Variants in SGCD observed in about 807,000 individuals in gnomAD.
SGCD encodes the protein delta-sarcoglycan.
In SGCD, 18 loss-of-function variants were observed where a neutral mutation model predicts 36.6. The ratio of observed to expected loss-of-function variants is 0.49; its 90% confidence interval spans 0.34 to 0.73. The LOEUF (loss-of-function observed/expected upper bound fraction) is 0.73, where lower values mean the gene tolerates loss of function less well. Ranked by LOEUF, SGCD falls within the 30% of genes least tolerant of loss-of-function variation. SGCD has a pLI of 0.01. For synonymous variants in SGCD, 133 were observed against 130.6 expected (o/e 1.02, Z -0.12); for missense variants, 387 against 346.7 (o/e 1.12, Z -0.92).
intron 6 of SGCD, among the ~76,000 whole-genome samples, chr5:156,618,937 G>GT (rs1437864787): frequency 1.3e-5 from 2 of 152,074 alleles, no homozygotes; most frequent in Non-Finnish European, 2.9e-5. Flanking sequence ...TGGGAAATAA[G>GT]TAAGTTGGGG....
chr5:156,248,741 G>C (rs1765502329), intron 3 of SGCD, among the ~76,000 whole-genome samples: 2 of 152,176 alleles, frequency 1.3e-5, no homozygotes, highest in Non-Finnish European at 2.9e-5. Context: ...ACACTGTTGG[G>C]AAAATAGTCA....
the SGCD span, among the ~76,000 whole-genome samples, chr5:155,754,723 G>A: frequency 1.3e-5 from 2 of 152,238 alleles, no homozygotes; most frequent in Non-Finnish European, 2.9e-5. Context: ...ACAGACAAAA[G>A]GGAGGAAATG....
the SGCD span, among the ~76,000 whole-genome samples, chr5:155,769,268 A>G: frequency 1.3e-5 from 2 of 152,024 alleles, no homozygotes; most frequent in South Asian, 2.1e-4. Flanking sequence ...TGAGGAGGCT[A>G]TTGTGGAGAA....
At chr5:156,382,603 T>TA (rs1272166675) in intron 3 of SGCD, among the ~76,000 whole-genome samples, 1 of 152,112 alleles carries the variant, frequency 6.6e-6, no homozygotes, top group Non-Finnish European at 1.5e-5. Flanking sequence ...TAAAAAGTAA[T>TA]AAAAATCAGG....
At chr5:156,287,969 C>T (rs993003805) in intron 3 of SGCD, among the ~76,000 whole-genome samples, 1 of 152,084 alleles carries the variant, frequency 6.6e-6, no homozygotes, top group Non-Finnish European at 1.5e-5. Flanking sequence ...AAAATGTAGC[C>T]ATGACAGTGA....
chr5:156,623,236 C>T (rs550378087), intron 6 of SGCD, among the ~76,000 whole-genome samples: 15 of 152,144 alleles, frequency 9.9e-5, no homozygotes, highest in African/African-American at 2.9e-4. Context: ...CACGTTCAGG[C>T]GTTCGGACTT....
At chr5:156,445,649 CACTT>C (rs1235836078) in intron 3 of SGCD, among the ~76,000 whole-genome samples, 2 of 152,122 alleles carry the variant, frequency 1.3e-5, no homozygotes, top group African/African-American at 4.8e-5. Flanking sequence ...TTAGGAAAGT[CACTT>C]AACCTCTCTG....
At chr5:156,000,727 G>A (rs1312813956) in intron 1 of SGCD, among the ~76,000 whole-genome samples, 2 of 151,792 alleles carry the variant, frequency 1.3e-5, no homozygotes, top group Non-Finnish European at 2.9e-5. Flanking sequence ...CCAGACCAGT[G>A]GTTCTGAAAC....
intron 3 of SGCD, among the ~76,000 whole-genome samples, chr5:156,460,125 A>G (rs1209243102): frequency 6.6e-6 from 1 of 152,128 alleles, no homozygotes; most frequent in Non-Finnish European, 1.5e-5. Flanking sequence ...CTGTTTATAA[A>G]TAGAGACTAG....
At chr5:156,150,558 A>T (rs1327519197) in intron 3 of SGCD, among the ~76,000 whole-genome samples, 1 of 151,672 alleles carries the variant, frequency 6.6e-6, no homozygotes, top group Non-Finnish European at 1.5e-5. Context: ...AGTGTCATGC[A>T]TGTAGTATAG....
intron 3 of SGCD, among the ~76,000 whole-genome samples, chr5:156,175,545 G>C (rs1394380815): frequency 6.6e-6 from 1 of 152,068 alleles, no homozygotes; most frequent in Non-Finnish European, 1.5e-5. Flanking sequence ...CTCTTGCAAA[G>C]AATATTATGC....
chr5:155,859,285 TC>T, the SGCD span, among the ~76,000 whole-genome samples: 3 of 152,058 alleles, frequency 2.0e-5, no homozygotes, highest in Admixed American at 2.0e-4. Context: ...TAGGCTGGTC[TC>T]AAACTCCTGG....
At chr5:156,213,278 T>A (rs1014315277) in intron 3 of SGCD, among the ~76,000 whole-genome samples, 1 of 151,628 alleles carries the variant, frequency 6.6e-6, no homozygotes, top group Non-Finnish European at 1.5e-5. Context: ...AAACTCAATA[T>A]AGGAAATGAA....
chr5:155,938,743 AG>A (rs1437961142), intron 1 of SGCD, among the ~76,000 whole-genome samples: 2 of 152,216 alleles, frequency 1.3e-5, no homozygotes, highest in Non-Finnish European at 2.9e-5. Context: ...CAGTGTATTA[AG>A]TCCTTTACAT....
intron 3 of SGCD, among the ~76,000 whole-genome samples, chr5:156,145,360 C>CAGCCTACAGAATCATG (rs1187138652): frequency 7.9e-5 from 12 of 152,156 alleles, no homozygotes; most frequent in Non-Finnish European, 1.3e-4. Flanking sequence ...GCTTTCTGTA[C>CAGCCTACAGAATCATG]AGCCTACAGA....
chr5:155,733,157 G>A, the SGCD span, among the ~76,000 whole-genome samples: 6 of 151,916 alleles, frequency 3.9e-5, no homozygotes, highest in Non-Finnish European at 7.4e-5. Context: ...GTGTCACTAT[G>A]TCAAAAGTGT....
chr5:156,763,841 G>C lies in SGCD; in HGVS notation c.*4451G>C, dbSNP rs898347744. On this transcript the variant is annotated 3_prime_UTR_variant, in exon 9 of 9. Transcript: ENST00000337851. ...CCAGACCCTAATCAAAGTCACTTAA[G>C]GGAATCCCTCAGCCTTTTATTTGGA... 6.6e-6 allele frequency: 1 copy of C among 152,004 alleles called. No homozygotes were observed. The highest frequency in any genetic ancestry group is 2.4e-5 in the African/African-American group (1 of 41,358). 9.4% of individuals were successfully genotyped at this position (152,004 alleles called of 1,614,324 possible). A position where few individuals can be genotyped will look rare whatever the true frequency, so the allele number is the denominator to read the frequency against.
At chr5:156,034,748 T>A (rs1469943817) in intron 1 of SGCD, among the ~76,000 whole-genome samples, 1 of 152,192 alleles carries the variant, frequency 6.6e-6, no homozygotes. Flanking sequence ...TCAAGATGTG[T>A]CTCACCCACT....
At chr5:155,903,499 C>G (rs961726012) in intron 1 of SGCD, among the ~76,000 whole-genome samples, 3 of 152,116 alleles carry the variant, frequency 2.0e-5, no homozygotes, top group African/African-American at 7.2e-5. Flanking sequence ...CCATGCCCAC[C>G]CATTATTCCA....
Sources: allele counts gnomAD v4.1 joint callset (sites outside exome capture counted in the v4.1 genomes callset), GRCh38; gene constraint gnomAD v4.1.1; transcripts MANE v1.5; gene names NCBI Gene and HGNC (gene_info 2026-07-23, HGNC 2026-07-21).